EBF2: variants seen among roughly 807,000 people sequenced by gnomAD.
EBF2 encodes the protein EBF transcription factor 2.
Under a neutral mutation model 72.8 loss-of-function variants are expected in EBF2, and 21 were observed. The observed-to-expected ratio is 0.29, with a 90% CI of 0.20 to 0.42. The LOEUF is 0.42. Among genes scored for constraint, EBF2 ranks in the 10% least tolerant of loss-of-function variants. The pLI, the probability that EBF2 is intolerant of heterozygous loss-of-function variation, is 1.00. For synonymous variants in EBF2, 299 were observed against 274.2 expected, an observed-to-expected ratio of 1.09 and a Z score of -0.89; for missense variants, 637 against 731.2, an observed-to-expected ratio of 0.87 and a Z score of 1.49.
At chr8:25,957,736 C>T (rs187529049) in intron 6 of EBF2, among the ~76,000 whole-genome samples, 14 of 152,230 alleles carry the variant, frequency 9.2e-5, no homozygotes, top group African/African-American at 2.6e-4. Flanking sequence ...TGTGGTGGCA[C>T]GCACCTGTAG....
At chr8:25,958,223 A>G (rs188452226) in intron 6 of EBF2, among the ~76,000 whole-genome samples, 181 of 152,324 alleles carry the variant, frequency 1.2e-3, no homozygotes, top group African/African-American at 4.2e-3. Context: ...CTCCCAACAC[A>G]AACAGCCCAG....
At position 25,858,392 on chromosome 8, in the gene EBF2, G is replaced by T. The variant is rs1450401328; in HGVS notation, c.1455C>A (p.Val485=). The T allele has an allele frequency of 6.2e-7, 1 of 1,614,060 alleles. No individual in the cohort carries two copies. The highest frequency in any genetic ancestry group is 1.7e-5 in the Admixed American group (1 of 60,004). ...SSNSMNGYSN[V]PMANLGVPGS... Reference sequence around the variant, plus strand: ...CTGGAACACCCAAGTTGGCCATGGGGACATTGCTGTAGCCATTCATACTGT... The same window carrying T: ...CTGGAACACCCAAGTTGGCCATGGGTACATTGCTGTAGCCATTCATACTGT... Residue 485 remains valine (V), a synonymous_variant, in exon 14 of 16, where the codon GTC becomes GTA. Transcript: ENST00000520164.
At chr8:25,935,709 C>A (rs541658041) in intron 6 of EBF2, among the ~76,000 whole-genome samples, 1 of 152,322 alleles carries the variant, frequency 6.6e-6, no homozygotes, top group East Asian at 1.9e-4. Context: ...TGAATGCACC[C>A]AGCAAAGCTG....
At chr8:26,021,353 T>C (rs1346754251) in intron 6 of EBF2, among the ~76,000 whole-genome samples, 1 of 152,162 alleles carries the variant, frequency 6.6e-6, no homozygotes, top group Non-Finnish European at 1.5e-5. Context: ...TCTGTATAGA[T>C]CAGAAGGCAA....
chr8:26,042,015 G>A (rs1805609068), intron 2 of EBF2, 80 bp downstream of exon 2: 5 of 1,546,156 alleles, frequency 3.2e-6, no homozygotes, highest in South Asian at 2.4e-5. Context: ...AAAGTGTCGC[G>A]AGAGTGACAG....
At chr8:26,024,302 A>T (rs1487710137) in intron 6 of EBF2, among the ~76,000 whole-genome samples, 1 of 151,996 alleles carries the variant, frequency 6.6e-6, no homozygotes, top group Non-Finnish European at 1.5e-5. Context: ...TATCTCTTTT[A>T]TGGTACTTTT....
chr8:25,947,764 C>T (rs946340629), intron 6 of EBF2, among the ~76,000 whole-genome samples: 1 of 152,232 alleles, frequency 6.6e-6, no homozygotes, highest in African/African-American at 2.4e-5. Flanking sequence ...CTTCCCTGCC[C>T]AGGTAACCCT....
intron 6 of EBF2, among the ~76,000 whole-genome samples, chr8:26,001,057 A>G (rs889626109): frequency 2.0e-5 from 3 of 152,232 alleles, no homozygotes; most frequent in Non-Finnish European, 4.4e-5. Context: ...TAGCATGGGA[A>G]GCAATCTTAT....
intron 15 of EBF2, 124 bp from the exon 16 acceptor site, chr8:25,844,764 T>C: frequency 8.1e-7 from 1 of 1,228,810 alleles, no homozygotes; most frequent in Non-Finnish European, 1.2e-6. Context: ...GATGGTGCCC[T>C]CAGCTGATAT....
At chr8:25,891,640 C>A (rs999416334) in intron 7 of EBF2, among the ~76,000 whole-genome samples, 3 of 151,166 alleles carry the variant, frequency 2.0e-5, no homozygotes, top group Non-Finnish European at 4.4e-5. Context: ...TGCAGTGGCA[C>A]CATCTTAGCT....
intron 6 of EBF2, among the ~76,000 whole-genome samples, chr8:25,992,007 G>A (rs1340930104): frequency 1.3e-5 from 2 of 152,068 alleles, no homozygotes; most frequent in Non-Finnish European, 2.9e-5. Flanking sequence ...TGTGGATACA[G>A]GTATCAATAT....
intron 6 of EBF2, among the ~76,000 whole-genome samples, chr8:25,925,130 C>T (rs1105281): frequency 0.51 from 78,190 of 152,020 alleles, 23,138 homozygotes; most frequent in East Asian, 0.74. Context: ...CAGAACCAAG[C>T]GGGGCACTAC....
intron 6 of EBF2, among the ~76,000 whole-genome samples, chr8:25,983,909 A>AC (rs1463264236): frequency 1.3e-5 from 2 of 152,246 alleles, no homozygotes. Flanking sequence ...TTTAAAAGAT[A>AC]CCCCAAAATA....
At chr8:25,888,414 G>A (rs1005147884) in intron 8 of EBF2, among the ~76,000 whole-genome samples, 9 of 152,116 alleles carry the variant, frequency 5.9e-5, no homozygotes, top group Non-Finnish European at 7.4e-5. Flanking sequence ...GTATGAAAAA[G>A]TAAAACACTT....
chr8:25,995,132 C>G lies in EBF2; in HGVS notation c.551+37953G>C, dbSNP rs1447756982. On this transcript the variant is annotated intron_variant, in intron 6 of 15. Transcript: ENST00000520164. Reference sequence around the variant, plus strand: ...ACCAGCCTGACCAACATGGAGAAACCCCATCTCTACTAAAAATACAAACAT... The same window carrying G: ...ACCAGCCTGACCAACATGGAGAAACGCCATCTCTACTAAAAATACAAACAT... Among the ~76,000 whole-genome samples the G allele has an allele frequency of 2.6e-5, 4 of 152,044 alleles. No homozygotes were observed. In the South Asian group the frequency reaches 8.3e-4, roughly 32 times the overall value.
chr8:25,986,193 C>T (rs1010802406), intron 6 of EBF2, among the ~76,000 whole-genome samples: 1 of 152,028 alleles, frequency 6.6e-6, no homozygotes, highest in African/African-American at 2.4e-5. Flanking sequence ...ACAGTTGTCT[C>T]TGACTGCTGG....
rs145257211 is a variant in EBF2, at chr8:25,913,612, C to G, written c.552-5057G>C. ...AATCTAATTCTGCCTACCCTGGAAA[C>G]AACTTCTGCTATGATAATGGCCACA... On this transcript the variant is annotated intron_variant, in intron 6 of 15. Coordinates refer to ENST00000520164, the MANE Select transcript of EBF2 (RefSeq NM_022659.4). Among the ~76,000 whole-genome samples the G allele has an allele frequency of 2.0e-3, 298 of 152,276 alleles. 2 individuals are homozygous for G. The highest frequency in any genetic ancestry group is 6.8e-3 in the African/African-American group (284 of 41,540).
At chr8:25,912,760 G>T (rs901170) in intron 6 of EBF2, among the ~76,000 whole-genome samples, 1 of 151,800 alleles carries the variant, frequency 6.6e-6, no homozygotes, top group African/African-American at 2.4e-5. Flanking sequence ...ATTCAAATAC[G>T]TTTCTCCAGA....
chr8:25,844,300 T>TTAAATATTTTACAAACATAGGAA lies in EBF2; in HGVS notation c.*286_*308dup, dbSNP rs1422706546. 1 of 231,366 alleles carries TTAAATATTTTACAAACATAGGAA rather than the reference T, an allele frequency of 4.3e-6. No homozygotes were observed. The highest frequency in any genetic ancestry group is 8.4e-6 in the Non-Finnish European group (1 of 119,074). 14.3% of individuals were successfully genotyped at this position (231,366 alleles called of 1,614,324 possible). On this transcript the variant is annotated 3_prime_UTR_variant, in exon 16 of 16. Coordinates refer to ENST00000520164, the MANE Select transcript of EBF2 (RefSeq NM_022659.4). Reference sequence around the variant, plus strand: ...GCATTAATTGTTTGCCAATTTTTTCTTAAATATTTTACAAACATAGGAAGG... The same window carrying TTAAATATTTTACAAACATAGGAA: ...GCATTAATTGTTTGCCAATTTTTTCTTAAATATTTTACAAACATAGGAATAAATATTTTACAAACATAGGAAGG...
Sources: gnomAD v4.1 joint callset for allele counts (sites outside exome capture counted in the v4.1 genomes callset) on GRCh38, gnomAD v4.1.1 for gene constraint, MANE v1.5 for transcripts, NCBI Gene and HGNC (gene_info 2026-07-23, HGNC 2026-07-21) for gene names.